Variants in SPART observed in about 807,000 individuals in gnomAD.
SPART encodes spastic paraplegia 20 (Troyer syndrome).
Under a neutral mutation model 58.7 loss-of-function variants are expected in SPART, and 35 were observed. That is an observed-to-expected ratio of 0.60 (90% confidence interval 0.46 to 0.79). The LOEUF (loss-of-function observed/expected upper bound fraction) is 0.79, where lower values mean the gene tolerates loss of function less well. SPART is among the 30% of genes least tolerant of loss of function. The pLI is 0.00. For missense variants in SPART, 730 were observed against 786.1 expected, an observed-to-expected ratio of 0.93 and a Z score of 0.85; for synonymous variants, 284 against 280.7, an observed-to-expected ratio of 1.01 and a Z score of -0.12.
intron 3 of SPART, among the ~76,000 whole-genome samples, chr13:36,330,880 G>C (rs943913562): frequency 1.3e-5 from 2 of 152,212 alleles, no homozygotes; most frequent in Admixed American, 1.3e-4. Flanking sequence ...TTCTTCCTCA[G>C]AATGCCAACC....
intron 6 of SPART, chr13:36,312,699 TCCTGAGTAGCTGGGACTACAGGCATGAAG>T: frequency 1.7e-6 from 1 of 578,730 alleles, no homozygotes; most frequent in Non-Finnish European, 3.0e-6. Context: ...TGCCTCTGCC[TCCTGAGTAGCTGGGACTACAGGCATGAAG>T]CATAGACTGG....
intron 1 of SPART, chr13:36,370,017 G>A (rs1886210376): frequency 6.6e-6 from 1 of 152,228 alleles, no homozygotes; most frequent in Non-Finnish European, 1.5e-5. Flanking sequence ...TCTGAAAGAA[G>A]GAGGGTTATT....
chr13:36,359,113 G>A (rs1779461751), intron 1 of SPART, among the ~76,000 whole-genome samples: 1 of 152,110 alleles, frequency 6.6e-6, no homozygotes, highest in East Asian at 1.9e-4. Context: ...CAAAGCCCAG[G>A]TTCTCAAAGG....
chr13:36,368,931 G>A (rs1250943693), intron 1 of SPART, among the ~76,000 whole-genome samples: 2 of 152,124 alleles, frequency 1.3e-5, no homozygotes, highest in Admixed American at 6.5e-5. Flanking sequence ...TCCAGGAGGC[G>A]GAGGTTTCAG....
chr13:36,304,635 T>G lies in SPART; in HGVS notation c.1734-3A>C. On this transcript the variant is annotated splice_region_variant and splice_polypyrimidine_tract_variant and intron_variant, in intron 8 of 8. Transcript: ENST00000438666. ...CTTCTCCTGCATTATATCCGTATCTTTAAAAGAAAGATTAGAGGACATACA... is the reference window on the plus strand; with the variant it reads ...CTTCTCCTGCATTATATCCGTATCTGTAAAAGAAAGATTAGAGGACATACA... The G allele has an allele frequency of 6.2e-7, 1 of 1,613,692 alleles. No homozygotes were observed. The highest frequency in any genetic ancestry group is 8.5e-7 in the Non-Finnish European group (1 of 1,179,810).
At chr13:36,315,745 G>A (rs1466381594) in intron 5 of SPART, among the ~76,000 whole-genome samples, 1 of 152,086 alleles carries the variant, frequency 6.6e-6, no homozygotes, top group Non-Finnish European at 1.5e-5. Flanking sequence ...TAACTTATAG[G>A]TTGAAAAGTT....
intron 5 of SPART, among the ~76,000 whole-genome samples, chr13:36,320,489 C>T (rs1239891486): frequency 1.3e-5 from 2 of 152,262 alleles, no homozygotes; most frequent in Middle Eastern, 3.4e-3. Flanking sequence ...TGCTATAGTA[C>T]AAGCCACTAG....
chr13:36,329,668 G>A (rs1056415136), intron 3 of SPART, 151 bp from the exon 4 acceptor site: 36 of 791,962 alleles, frequency 4.5e-5, no homozygotes, highest in Middle Eastern at 3.6e-4. Context: ...TTTTCTCTAC[G>A]ATTCTCTTTT....
intron 1 of SPART, among the ~76,000 whole-genome samples, chr13:36,337,180 TAC>T (rs1261985740): frequency 2.6e-5 from 4 of 152,234 alleles, no homozygotes; most frequent in African/African-American, 7.2e-5. Context: ...AATGGAAAAT[TAC>T]AGAGATAAAT....
intron 1 of SPART, among the ~76,000 whole-genome samples, chr13:36,356,530 G>T (rs1885629166): frequency 6.6e-6 from 1 of 152,154 alleles, no homozygotes; most frequent in Admixed American, 6.5e-5. Flanking sequence ...TTGATCCCAG[G>T]TCTTTAGACA....
At chr13:36,365,513 C>T in intron 1 of SPART, 1 of 369,778 alleles carries the variant, frequency 2.7e-6, no homozygotes, top group African/African-American at 2.2e-5. Context: ...ACTAGGAAAG[C>T]CAAGTCTCTC....
At chr13:36,321,287 C>T (rs1484021080) in intron 5 of SPART, among the ~76,000 whole-genome samples, 1 of 152,202 alleles carries the variant, frequency 6.6e-6, no homozygotes, top group Non-Finnish European at 1.5e-5. Context: ...GCCATCACAG[C>T]TGATATCTCC....
In SPART at chr13:36,304,314, A is replaced by C. The variant is rs1880261300; in HGVS notation, c.*51T>G. ...GAATTCCACATTTGCCTATTTAACA[A>C]AATTTCATCCATTTCATAAGGCTTT... On this transcript the variant is annotated 3_prime_UTR_variant, in exon 9 of 9. Transcript: ENST00000438666. 1 of 1,611,434 alleles carries C rather than the reference A, an allele frequency of 6.2e-7. No homozygotes were observed. The highest frequency in any genetic ancestry group is 1.7e-5 in the Admixed American group (1 of 60,000).
Position 36,358,204 on chromosome 13 carries a change from G to A in SPART, c.-3+11885C>T, listed in dbSNP as rs527381843. Among the ~76,000 whole-genome samples, 13 of 152,122 alleles carry A rather than the reference G, an allele frequency of 8.5e-5. No homozygotes were observed. In the South Asian group the frequency reaches 1.0e-3, roughly 12 times the overall value. On this transcript the variant is annotated intron_variant, in intron 1 of 8. Coordinates refer to the SPART transcript ENST00000355182. Reference sequence around the variant, plus strand: ...ATTTTTACAGTTAAAATTTTCAAACGATTCTTCCCAGAAACTCTTGTTTTT... The same window carrying A: ...ATTTTTACAGTTAAAATTTTCAAACAATTCTTCCCAGAAACTCTTGTTTTT...
intron 1 of SPART, among the ~76,000 whole-genome samples, chr13:36,361,561 C>T (rs868830021): frequency 3.9e-5 from 6 of 152,032 alleles, no homozygotes; most frequent in Admixed American, 6.6e-5. Context: ...CCCACCACCA[C>T]GCCCAGCTAA....
intron 5 of SPART, among the ~76,000 whole-genome samples, chr13:36,315,518 G>T (rs1881601709): frequency 6.6e-6 from 1 of 152,150 alleles, no homozygotes; most frequent in Non-Finnish European, 1.5e-5. Context: ...ATTTTAAAAT[G>T]TTAACAATGA....
chr13:36,329,843 G>T (rs1226193298), intron 3 of SPART, among the ~76,000 whole-genome samples: 2 of 152,136 alleles, frequency 1.3e-5, no homozygotes, highest in African/African-American at 4.8e-5. Flanking sequence ...ATAAATTTTA[G>T]TTAACATGTA....
intron 1 of SPART, among the ~76,000 whole-genome samples, chr13:36,341,421 T>C (rs1188609888): frequency 1.3e-5 from 2 of 152,220 alleles, no homozygotes; most frequent in African/African-American, 2.4e-5. Context: ...AACTTTCAGT[T>C]AAATATTTTA....
rs1057492071 is a variant in SPART, at chr13:36,335,085, C to T, written c.746G>A (p.Arg249Gln). 16 of 1,613,944 alleles carry T rather than the reference C, an allele frequency of 9.9e-6. No homozygotes were observed. The highest frequency in any genetic ancestry group is 2.7e-5 in the African/African-American group (2 of 74,886). ...AGAATTATCCAAAAACCTCACAATTCGAAGGTACCCAGGATACGAAGGTGC... is the reference window on the plus strand; with the variant it reads ...AGAATTATCCAAAAACCTCACAATTTGAAGGTACCCAGGATACGAAGGTGC... ...VSAPSYPGYL[R>Q]IVRFLDNSLD... The change falls in exon 2 of 9, where the codon CGA becomes CAA. Residue 249 changes from arginine (R) to glutamine (Q), a missense_variant. Physicochemically the swap from Arg to Gln is conservative, Grantham distance 43. Coordinates refer to ENST00000438666, the MANE Select transcript of SPART (RefSeq NM_015087.5).
Sources: gnomAD v4.1 joint callset for allele counts (sites outside exome capture counted in the v4.1 genomes callset) on GRCh38, gnomAD v4.1.1 for gene constraint, MANE v1.5 for transcripts, NCBI Gene and HGNC (gene_info 2026-07-23, HGNC 2026-07-21) for gene names.